Variants in ADAM23 observed in about 807,000 individuals in gnomAD.
ADAM23 encodes the protein ADAM metallopeptidase domain 23, also known as disintegrin and metalloproteinase domain-containing protein 23.
In ADAM23, 33 loss-of-function variants were observed where a neutral mutation model predicts 120.1. That is an observed-to-expected ratio of 0.27 (90% CI 0.21 to 0.37). The LOEUF (loss-of-function observed/expected upper bound fraction) is 0.37, where lower values mean the gene tolerates loss of function less well. ADAM23 is among the 10% of genes least tolerant of loss of function. The pLI is 1.00. For synonymous variants in ADAM23, 367 were observed against 375.2 expected (o/e 0.98, Z 0.25); for missense variants, 862 against 1,058.2 (o/e 0.81, Z 2.57).
intron 15 of ADAM23, among the ~76,000 whole-genome samples, chr2:206,568,196 A>G (rs1020703916): frequency 1.3e-5 from 2 of 152,134 alleles, no homozygotes; most frequent in African/African-American, 2.4e-5. Flanking sequence ...AAATCACCCA[A>G]GGTATTTATG....
chr2:206,548,242 T>TA (rs753728125), intron 7 of ADAM23, 39 bp from the exon 8 acceptor site: 1 of 1,568,054 alleles, frequency 6.4e-7, no homozygotes, highest in Admixed American at 1.7e-5. Flanking sequence ...CCCATTGAAA[T>TA]AAGCATAAAA....
intron 18 of ADAM23, 85 bp from the exon 19 acceptor site, chr2:206,587,240 A>C: frequency 1.1e-6 from 1 of 935,670 alleles, no homozygotes; most frequent in Non-Finnish European, 1.6e-6. Flanking sequence ...ATATATATCC[A>C]CCATGCTTGC....
At chr2:206,460,927 G>A (rs571790618) in intron 2 of ADAM23, among the ~76,000 whole-genome samples, 5 of 152,110 alleles carry the variant, frequency 3.3e-5, no homozygotes, top group Non-Finnish European at 5.9e-5. Context: ...TGTAGGTTAG[G>A]AACCAACTTT....
chr2:206,461,671 G>C (rs571853052), intron 2 of ADAM23, among the ~76,000 whole-genome samples: 5 of 152,150 alleles, frequency 3.3e-5, no homozygotes, highest in Non-Finnish European at 7.4e-5. Context: ...ATCTGGATGC[G>C]TTTGTTCTCT....
At chr2:206,507,562 A>G (rs1472817794) in intron 3 of ADAM23, among the ~76,000 whole-genome samples, 1 of 152,186 alleles carries the variant, frequency 6.6e-6, no homozygotes, top group East Asian at 1.9e-4. Flanking sequence ...CTGTGAACCA[A>G]TTAAACCACT....
At chr2:206,607,038 C>T (rs185973153) in intron 24 of ADAM23, 1 of 152,168 alleles carries the variant, frequency 6.6e-6, no homozygotes, top group East Asian at 1.9e-4. Flanking sequence ...GACCCGGGGA[C>T]CAAAATAGCA....
chr2:206,534,833 C>T (rs576364576), intron 4 of ADAM23, among the ~76,000 whole-genome samples: 1 of 152,122 alleles, frequency 6.6e-6, no homozygotes, highest in Non-Finnish European at 1.5e-5. Flanking sequence ...GGGAAGGCTT[C>T]TTTTCCTAGG....
intron 4 of ADAM23, among the ~76,000 whole-genome samples, chr2:206,531,170 A>G (rs1351557558): frequency 5.3e-5 from 8 of 152,220 alleles, no homozygotes; most frequent in Admixed American, 3.9e-4. Context: ...TTATACATGC[A>G]GTACCTTTTG....
At chr2:206,595,876 A>G (rs1698515185) in intron 23 of ADAM23, among the ~76,000 whole-genome samples, 175 bp from the exon 24 acceptor site, 1 of 152,288 alleles carries the variant, frequency 6.6e-6, no homozygotes, top group Non-Finnish European at 1.5e-5. Flanking sequence ...ATGTTACACA[A>G]TTTGATCTAT....
chr2:206,566,287 A>G (rs1049365869), intron 14 of ADAM23, among the ~76,000 whole-genome samples: 8 of 151,684 alleles, frequency 5.3e-5, no homozygotes, highest in Non-Finnish European at 1.0e-4. Context: ...ATACATTTCT[A>G]TATATTTTTC....
intron 25 of ADAM23, among the ~76,000 whole-genome samples, chr2:206,616,926 G>A (rs1301638023): frequency 2.0e-5 from 3 of 152,032 alleles, no homozygotes; most frequent in South Asian, 2.1e-4. Context: ...TTAACTTGCC[G>A]ATTTTCAACT....
At chr2:206,463,274 A>G (rs1695463800) in intron 2 of ADAM23, among the ~76,000 whole-genome samples, 1 of 152,194 alleles carries the variant, frequency 6.6e-6, no homozygotes. Flanking sequence ...AAGGGCCCTG[A>G]TACAGTCAGA....
At chr2:206,515,902 G>T (rs1035330787) in intron 3 of ADAM23, among the ~76,000 whole-genome samples, 4 of 151,950 alleles carry the variant, frequency 2.6e-5, no homozygotes, top group African/African-American at 7.2e-5. Flanking sequence ...TCTGTTTCTG[G>T]CTCATTTTGT....
In ADAM23 at chr2:206,595,052, G is replaced by A. The variant is rs563494379; in HGVS notation, c.2247+147G>A. ...AAAAAATAGCTGGGCGTGGTGGTGG[G>A]CACCTGTAGTCCCAGCTACTCAGGA... On this transcript the variant is annotated intron_variant, in intron 23 of 25. Coordinates refer to ENST00000264377, the MANE Select transcript of ADAM23 (RefSeq NM_003812.4). 297 of 980,928 alleles carry A rather than the reference G, an allele frequency of 3.0e-4. 1 individual carries two copies. In the African/African-American group the frequency reaches 4.5e-3, roughly 15 times the overall value. 60.8% of individuals were successfully genotyped at this position (980,928 alleles called of 1,614,324 possible).
chr2:206,555,796 T>G (rs1486495500), intron 9 of ADAM23, among the ~76,000 whole-genome samples: 1 of 152,212 alleles, frequency 6.6e-6, no homozygotes, highest in Non-Finnish European at 1.5e-5. Context: ...ATTAGAAGAA[T>G]AGATATCAGC....
intron 18 of ADAM23, among the ~76,000 whole-genome samples, chr2:206,582,681 GT>G (rs1698242029): frequency 6.6e-6 from 1 of 152,176 alleles, no homozygotes; most frequent in African/African-American, 2.4e-5. Context: ...AAGAGGTTCT[GT>G]TTTGATGTGT....
At chr2:206,571,701 T>G (rs1358159293) in intron 16 of ADAM23, 26 bp from the exon 17 acceptor site, 3 of 1,580,436 alleles carry the variant, frequency 1.9e-6, no homozygotes, top group African/African-American at 1.3e-5. Context: ...GGCTCTTCGC[T>G]TACTCACGTG....
chr2:206,589,660 A>G (rs1698388965), intron 21 of ADAM23, 146 bp downstream of exon 21: 6 of 572,506 alleles, frequency 1.0e-5, no homozygotes, highest in Non-Finnish European at 1.8e-5. Flanking sequence ...AATAGGTATT[A>G]TTATATCTAG....
chr2:206,608,380 G>A (rs990890667), intron 24 of ADAM23, among the ~76,000 whole-genome samples: 7 of 152,044 alleles, frequency 4.6e-5, no homozygotes, highest in African/African-American at 7.2e-5. Context: ...ACATCTTGCC[G>A]CTATCACTCA....
Sources: gnomAD v4.1 joint callset for allele counts (sites outside exome capture counted in the v4.1 genomes callset) on GRCh38, gnomAD v4.1.1 for gene constraint, MANE v1.5 for transcripts, NCBI Gene and HGNC (gene_info 2026-07-23, HGNC 2026-07-21) for gene names.